Variants in CASS4 observed in about 807,000 individuals in gnomAD.
CASS4 encodes Cas scaffold protein family member 4.
In CASS4, 22 loss-of-function variants were observed where a neutral mutation model predicts 54.2. That is an observed-to-expected ratio of 0.41 (90% CI 0.29 to 0.58). CASS4 has a LOEUF of 0.58. CASS4 is among the 20% of genes least tolerant of loss of function. The pLI, the probability that CASS4 is intolerant of heterozygous loss-of-function variation, is 0.36. For synonymous variants in CASS4, 409 were observed against 391.5 expected, an observed-to-expected ratio of 1.04 and a Z score of -0.53; for missense variants, 854 against 986.7, an observed-to-expected ratio of 0.87 and a Z score of 1.80.
rs201499624 is a variant in CASS4, at chr20:56,451,938, C to T, written c.762C>T (p.Ser254=). The part of the protein sequence containing the change: ...YDTPVSPGKA[S]VRNTPLTSFA... ...CTCCAGTGTCTCCAGGAAAGGCCAGCGTCAGAAACACGCCTCTCACCAGCT... is the reference window on the plus strand; with the variant it reads ...CTCCAGTGTCTCCAGGAAAGGCCAGTGTCAGAAACACGCCTCTCACCAGCT... The change falls in exon 5 of 6, where the codon AGC becomes AGT. Residue 254 remains serine, a synonymous_variant. Transcript: ENST00000679887. 9 of 1,614,022 alleles carry T rather than the reference C, an allele frequency of 5.6e-6. No individual in the cohort carries two copies. The highest frequency in any genetic ancestry group is 8.5e-7 in the Non-Finnish European group (1 of 1,180,034).
At position 56,437,106 on chromosome 20, in the gene CASS4, T is replaced by C. The variant is rs1980209520; in HGVS notation, c.37-58T>C. ...GCTTTCTAAGAGAGTGGGATTGGAG[T>C]AGCAGTCACTGGCCACGGTGCTAAC... On this transcript the variant is annotated intron_variant, in intron 1 of 5. Transcript: ENST00000679887. This position sits in a 1 kb window ranked among gnomAD's most constrained non-coding sequence, Gnocchi z 4.7. 10 of 1,403,338 alleles carry C rather than the reference T, an allele frequency of 7.1e-6. No homozygotes were observed. The Admixed American group carries it at 2.1e-4, about 29-fold the overall frequency. 86.9% of individuals were successfully genotyped at this position (1,403,338 alleles called of 1,614,324 possible).
intron 2 of CASS4, among the ~76,000 whole-genome samples, chr20:56,442,399 C>T (rs6099149): frequency 0.05 from 7,598 of 151,754 alleles, 802 homozygotes; most frequent in African/African-American, 0.17. Flanking sequence ...CCATCACCCC[C>T]CAAAACACAG....
chr20:56,450,663 C>T lies in CASS4; in HGVS notation c.626C>T (p.Pro209Leu), dbSNP rs558608299. 21 of 1,614,108 alleles carry T rather than the reference C, an allele frequency of 1.3e-5. No homozygotes were observed. The East Asian group carries it at 4.0e-4, about 31-fold the overall frequency. ...ASPKKAGLHP[P>L]DSQASGQGVP... is the part of the protein sequence containing the mutation. ...CCCAAGAAGGCAGGACTCCATCCCC[C>T]AGACAGCCAAGCAAGTGTAAGTATG... is the stretch of plus-strand genomic sequence containing the variant. The change falls in exon 4 of 6, where the codon CCA becomes CTA. Residue 209 changes from proline to leucine, a missense_variant. Pro to Leu is a moderately conservative substitution (Grantham distance 98). Transcript: ENST00000679887.
chr20:56,438,568 C>CA (rs1980306516), intron 2 of CASS4, among the ~76,000 whole-genome samples: 2 of 150,670 alleles, frequency 1.3e-5, no homozygotes, highest in South Asian at 4.1e-4. Flanking sequence ...GATATAAACT[C>CA]AAAAAAGAGG....
chr20:56,451,812 C>G lies in CASS4; in HGVS notation c.643-7C>G. 1 of 1,600,568 alleles carries G rather than the reference C, an allele frequency of 6.2e-7. No individual in the cohort carries two copies. Among genetic ancestry groups the G allele is most frequent in the Non-Finnish European group, 8.5e-7 (1 of 1,170,934 alleles). ...TAACCCGGCAACTATGTGTGGTTCTCCCACAGGGGCAGGGTGTTCCCCTGA... is the reference window on the plus strand; with the variant it reads ...TAACCCGGCAACTATGTGTGGTTCTGCCACAGGGGCAGGGTGTTCCCCTGA... On this transcript the variant is annotated splice_region_variant and splice_polypyrimidine_tract_variant and intron_variant, in intron 4 of 5. Transcript: ENST00000679887.
intron 1 of CASS4, among the ~76,000 whole-genome samples, chr20:56,428,039 G>A (rs1979725928): frequency 6.6e-6 from 1 of 152,156 alleles, no homozygotes; most frequent in South Asian, 2.1e-4. Flanking sequence ...CTAGTTTGGG[G>A]AACTTCCTTA....
chr20:56,451,388 CAT>C lies in CASS4; in HGVS notation c.643-430_643-429del, dbSNP rs529062258. Among the ~76,000 whole-genome samples the C allele has an allele frequency of 1.7e-4, 26 of 152,340 alleles. No homozygotes were observed. In the East Asian group the frequency reaches 1.9e-3, roughly 11 times the overall value. On this transcript the variant is annotated intron_variant, in intron 4 of 5. Coordinates refer to ENST00000679887, the MANE Select transcript of CASS4 (RefSeq NM_020356.4). Reference sequence around the variant, plus strand: ...CTATGTTTATAATTGGATTCTACCACATGTGTCCCACAGACACACTTACACCC... The same window carrying C: ...CTATGTTTATAATTGGATTCTACCACGTGTCCCACAGACACACTTACACCC...
At chr20:56,427,622 T>G (rs1051103050) in intron 1 of CASS4, among the ~76,000 whole-genome samples, 1 of 152,214 alleles carries the variant, frequency 6.6e-6, no homozygotes, top group Non-Finnish European at 1.5e-5. Context: ...TAAAAATGTA[T>G]AACAGAATAT....
chr20:56,445,079 C>A (rs1475828623), intron 2 of CASS4, among the ~76,000 whole-genome samples: 1 of 151,710 alleles, frequency 6.6e-6, no homozygotes, highest in East Asian at 1.9e-4. Context: ...CATTGCACTC[C>A]AGCCTGGGCA....
In CASS4 at chr20:56,450,580, C is replaced by CT. The variant is rs1401723995; in HGVS notation, c.562-16dup. The CT allele has an allele frequency of 1.2e-6, 2 of 1,612,212 alleles. No homozygotes were observed. The highest frequency in any genetic ancestry group is 1.6e-4 in the Middle Eastern group (1 of 6,080). On this transcript the variant is annotated intron_variant, in intron 3 of 5. Transcript: ENST00000679887. ...GGAAAGAAACATTCAAGTTGTCTGC[C>CT]TTTGTGGTCTTTCCCCAGGAGCCAG...
chr20:56,436,340 G>A (rs1423174232), intron 1 of CASS4, among the ~76,000 whole-genome samples: 2 of 140,620 alleles, frequency 1.4e-5, no homozygotes, highest in East Asian at 2.0e-4. Flanking sequence ...ATATATATGT[G>A]TGTGTGTGTG....
At chr20:56,455,028 T>C (rs1016514014) in intron 5 of CASS4, among the ~76,000 whole-genome samples, 1 of 152,138 alleles carries the variant, frequency 6.6e-6, no homozygotes, top group Non-Finnish European at 1.5e-5. Context: ...CTGACTCCGT[T>C]CCTCTTTGAC....
chr20:56,414,200 A>G lies in CASS4; in HGVS notation c.36+1706A>G, dbSNP rs1979021441. On this transcript the variant is annotated intron_variant, in intron 1 of 5. Transcript: ENST00000679887. This position sits in a 1 kb window ranked among gnomAD's most constrained non-coding sequence, Gnocchi z 4.1. ...ATTCAGTCCACATTCACATTTTCCA[A>G]AATTATCCTTTTTAGCTTTTCTGGC... Among the ~76,000 whole-genome samples, 1 of 152,060 alleles carries G rather than the reference A, an allele frequency of 6.6e-6. No homozygotes were observed. Among genetic ancestry groups the G allele is most frequent in the Non-Finnish European group, 1.5e-5 (1 of 68,010 alleles).
Position 56,453,016 on chromosome 20 carries a change from C to T in CASS4, c.1840C>T (p.Pro614Ser). 2 of 1,614,040 alleles carry T rather than the reference C, an allele frequency of 1.2e-6. No individual in the cohort carries two copies. The highest frequency in any genetic ancestry group is 1.7e-6 in the Non-Finnish European group (2 of 1,179,984). ...ATTTAAGTGTGAAAAATACATCCAG[C>T]CTCCCCAAAGAGAAACTGAATCACA... Reference protein sequence around the residue: ...AEFKCEKYIQPPQRETESHQK... With the variant: ...AEFKCEKYIQSPQRETESHQK... The change falls in exon 5 of 6, where the codon CCT becomes TCT. Residue 614 changes from proline (P) to serine (S), a missense_variant. By Grantham distance (74) the Pro-to-Ser change is moderately conservative. Coordinates refer to ENST00000679887, the MANE Select transcript of CASS4 (RefSeq NM_020356.4).
chr20:56,422,906 T>C (rs1348109853), intron 1 of CASS4, among the ~76,000 whole-genome samples: 1 of 152,262 alleles, frequency 6.6e-6, no homozygotes. Flanking sequence ...CATTCACTTC[T>C]TTGTCCCTGG....
Position 56,459,082 on chromosome 20 carries a change from ACT to A in CASS4, c.*338_*339del, listed in dbSNP as rs1236792362. 4.7e-6 allele frequency: 1 copy of A among 213,352 alleles called. No individual in the cohort carries two copies. Among genetic ancestry groups the A allele is most frequent in the African/African-American group, 2.3e-5 (1 of 44,226 alleles). The allele number at this position is 213,352 out of a possible 1,614,324, so 13.2% of individuals were successfully genotyped here. A position where few individuals can be genotyped will look rare whatever the true frequency, so the allele number is the denominator to read the frequency against. On this transcript the variant is annotated 3_prime_UTR_variant, in exon 6 of 6. Coordinates refer to ENST00000679887, the MANE Select transcript of CASS4 (RefSeq NM_020356.4). ...TGTTTGTTTTTTGAGACAAAGTCTC[ACT>A]CTGTCACACAGGCTGGAGTGCAGTG... is the stretch of plus-strand genomic sequence containing the variant.
Position 56,420,192 on chromosome 20 carries a change from G to C in CASS4, c.36+7698G>C, listed in dbSNP as rs544060724. 2.0e-5 allele frequency among the ~76,000 whole-genome samples: 3 copies of C among 152,234 alleles called. No homozygotes were observed. The East Asian group carries it at 5.8e-4, about 29-fold the overall frequency. The stretch of plus-strand genomic sequence containing the variant: ...AGTGAATGTATTGTTCTTTTCCTTT[G>C]AACAACTGCTTCACCTTATCATCAA... On this transcript the variant is annotated intron_variant, in intron 1 of 5. Transcript: ENST00000679887.
rs1980770289 is a variant in CASS4, at chr20:56,447,453, GC to G, written c.561+1453del. Among the ~76,000 whole-genome samples, 4 of 152,326 alleles carry G rather than the reference GC, an allele frequency of 2.6e-5. No individual in the cohort carries two copies. The South Asian group carries it at 8.3e-4, about 32-fold the overall frequency. ...ACTCACTGGGTGGTCTCAGACTCCT[GC>G]AGGGCTGCAAGAGGCAGGCAGGGAC... On this transcript the variant is annotated intron_variant, in intron 3 of 5. Coordinates refer to ENST00000679887, the MANE Select transcript of CASS4 (RefSeq NM_020356.4).
In CASS4 at chr20:56,412,804, C is replaced by T. The variant is rs371641786; in HGVS notation, c.36+310C>T. Among the ~76,000 whole-genome samples the T allele has an allele frequency of 1.4e-4, 21 of 152,296 alleles. No homozygotes were observed. The South Asian group carries it at 4.1e-3, about 30-fold the overall frequency. The stretch of plus-strand genomic sequence containing the variant: ...CAAGATGCGAGTCTGCCTCAGCCCC[C>T]GCTAATTCCTTCTTTCTCTGGACCC... On this transcript the variant is annotated intron_variant, in intron 1 of 5. Coordinates refer to ENST00000679887, the MANE Select transcript of CASS4 (RefSeq NM_020356.4). This position sits in a 1 kb window ranked among gnomAD's most constrained non-coding sequence, Gnocchi z 4.2.
Sources: allele counts gnomAD v4.1 joint callset (sites outside exome capture counted in the v4.1 genomes callset), GRCh38; gene constraint gnomAD v4.1.1; non-coding constraint Gnocchi (gnomAD v3.1); transcripts MANE v1.5; gene names NCBI Gene and HGNC (gene_info 2026-07-23, HGNC 2026-07-21).